The following SCAPER variants were observed in gnomAD, a reference collection of about 807,000 sequenced individuals.
SCAPER encodes the protein S-phase cyclin A associated protein in the ER, also known as S phase cyclin A-associated protein in the endoplasmic reticulum.
In SCAPER, 98 loss-of-function variants were observed where a neutral mutation model predicts 182.2. The ratio of observed to expected loss-of-function variants is 0.54; its 90% CI spans 0.46 to 0.64. The LOEUF is 0.64. Among genes scored for constraint, SCAPER ranks in the 30% least tolerant of loss-of-function variants. SCAPER has a pLI of 0.00. For missense variants in SCAPER, 1,432 were observed against 1,690.0 expected (o/e 0.85, Z 2.68); for synonymous variants, 605 against 564.6 (o/e 1.07, Z -1.01).
chr15:76,472,405 C>T, intron 24 of SCAPER: 1 of 662,002 alleles, frequency 1.5e-6, no homozygotes, highest in Non-Finnish European at 2.7e-6. Flanking sequence ...CTTCTGGTGA[C>T]TGTATAGTTT....
At chr15:76,587,994 T>C (rs1276364619) in intron 22 of SCAPER, among the ~76,000 whole-genome samples, 1 of 151,976 alleles carries the variant, frequency 6.6e-6, no homozygotes, top group East Asian at 1.9e-4. Flanking sequence ...CAATCTCAGC[T>C]CACTGCAAGC....
intron 2 of SCAPER, among the ~76,000 whole-genome samples, chr15:76,865,525 G>T (rs1217320013): frequency 6.6e-6 from 1 of 152,030 alleles, no homozygotes; most frequent in Non-Finnish European, 1.5e-5. Context: ...GGAGAACAAA[G>T]AAATAAATAA....
chr15:76,487,462 C>T (rs1315126412), intron 24 of SCAPER, among the ~76,000 whole-genome samples: 1 of 152,208 alleles, frequency 6.6e-6, no homozygotes, highest in Non-Finnish European at 1.5e-5. Flanking sequence ...CAACATTATG[C>T]ATTTGTCAAC....
At chr15:76,827,799 A>G (rs2068132906) in intron 5 of SCAPER, among the ~76,000 whole-genome samples, 1 of 152,226 alleles carries the variant, frequency 6.6e-6, no homozygotes, top group South Asian at 2.1e-4. Context: ...AAATCAAAGT[A>G]TGGTATAAAT....
At chr15:76,531,081 T>G (rs1340187862) in intron 23 of SCAPER, among the ~76,000 whole-genome samples, 2 of 152,016 alleles carry the variant, frequency 1.3e-5, no homozygotes, top group African/African-American at 4.8e-5. Flanking sequence ...AATTATCTAA[T>G]TGAATATAAC....
At chr15:76,682,454 T>A (rs1032547712) in intron 20 of SCAPER, among the ~76,000 whole-genome samples, 2 of 151,812 alleles carry the variant, frequency 1.3e-5, no homozygotes, top group African/African-American at 2.4e-5. Context: ...CAAGCGCGAG[T>A]GCAAACACAA....
At chr15:76,711,301 T>C (rs1217349263) in intron 17 of SCAPER, among the ~76,000 whole-genome samples, 1 of 152,166 alleles carries the variant, frequency 6.6e-6, no homozygotes, top group Non-Finnish European at 1.5e-5. Context: ...AAAGAATGTA[T>C]ATCCAGAACA....
intron 22 of SCAPER, among the ~76,000 whole-genome samples, chr15:76,580,850 A>C (rs996331126): frequency 2.0e-5 from 3 of 152,136 alleles, no homozygotes; most frequent in African/African-American, 7.2e-5. Flanking sequence ...AATAATACAA[A>C]AGATCAGTGA....
At chr15:76,528,113 T>G (rs2043343609) in intron 23 of SCAPER, among the ~76,000 whole-genome samples, 1 of 152,200 alleles carries the variant, frequency 6.6e-6, no homozygotes, top group Non-Finnish European at 1.5e-5. Context: ...AATCAAGGAC[T>G]TTAGATAAAA....
rs137897801 is a variant in SCAPER, at chr15:76,659,170, A to C, written c.2645+6483T>G. 2.2e-4 allele frequency among the ~76,000 whole-genome samples: 34 copies of C among 152,364 alleles called. No homozygotes were observed. The East Asian group carries it at 6.0e-3, about 27-fold the overall frequency. ...TACTGGGAGAAAATATTTGCAAACCATGAATCTGACAAAGGTTTAATATTC... is the reference window on the plus strand; with the variant it reads ...TACTGGGAGAAAATATTTGCAAACCCTGAATCTGACAAAGGTTTAATATTC... On this transcript the variant is annotated intron_variant, in intron 21 of 31. Transcript: ENST00000563290.
chr15:76,714,536 TA>T (rs2059780401), intron 17 of SCAPER, among the ~76,000 whole-genome samples: 1 of 53,244 alleles, frequency 1.9e-5, no homozygotes, highest in South Asian at 1.1e-3. Context: ...GTAGTAGTGG[TA>T]GTAGTAGTAG....
chr15:76,590,381 G>A (rs1198173616), intron 22 of SCAPER, among the ~76,000 whole-genome samples: 3 of 151,094 alleles, frequency 2.0e-5, no homozygotes, highest in East Asian at 1.9e-4. Context: ...TTAAGGGAAA[G>A]AGAATGTCAT....
intron 23 of SCAPER, among the ~76,000 whole-genome samples, chr15:76,526,457 C>T (rs2043206915): frequency 6.6e-6 from 1 of 152,100 alleles, no homozygotes; most frequent in African/African-American, 2.4e-5. Flanking sequence ...TTATTCAATT[C>T]TTGAAAATTA....
At chr15:76,781,041 C>G (rs1014411006) in intron 8 of SCAPER, among the ~76,000 whole-genome samples, 1 of 152,132 alleles carries the variant, frequency 6.6e-6, no homozygotes, top group South Asian at 2.1e-4. Flanking sequence ...ATGACTTTGA[C>G]GAGTTGACAG....
chr15:76,637,554 T>G (rs938151042), intron 21 of SCAPER, among the ~76,000 whole-genome samples: 65 of 151,606 alleles, frequency 4.3e-4, no homozygotes, highest in Admixed American at 7.2e-4. Context: ...ATTTTTTTTT[T>G]AATTAGCCAG....
intron 23 of SCAPER, among the ~76,000 whole-genome samples, chr15:76,567,023 T>C (rs1038462936): frequency 6.6e-6 from 1 of 152,094 alleles, no homozygotes; most frequent in African/African-American, 2.4e-5. Flanking sequence ...TGAACAATCA[T>C]GATCCTGATT....
intron 4 of SCAPER, among the ~76,000 whole-genome samples, chr15:76,855,414 T>C (rs1316736713): frequency 6.8e-6 from 1 of 147,704 alleles, no homozygotes; most frequent in Non-Finnish European, 1.5e-5. Context: ...AAAAGCAAAA[T>C]TTGACACATG....
intron 4 of SCAPER, among the ~76,000 whole-genome samples, chr15:76,850,050 C>T (rs1489608504): frequency 6.6e-6 from 1 of 152,204 alleles, no homozygotes; most frequent in African/African-American, 2.4e-5. Context: ...TGGTCCCACC[C>T]TTGACACGTG....
intron 23 of SCAPER, among the ~76,000 whole-genome samples, chr15:76,540,130 T>C (rs2044599365): frequency 6.6e-6 from 1 of 152,206 alleles, no homozygotes; most frequent in Non-Finnish European, 1.5e-5. Context: ...TAAAAAACCA[T>C]GTGTGGCCAT....
Sources: gnomAD v4.1 joint callset for allele counts (sites outside exome capture counted in the v4.1 genomes callset) on GRCh38, gnomAD v4.1.1 for gene constraint, MANE v1.5 for transcripts, NCBI Gene and HGNC (gene_info 2026-07-23, HGNC 2026-07-21) for gene names.